Variants in MEIKIN observed in about 807,000 individuals in gnomAD.
MEIKIN encodes meiotic kinetochore factor.
intron 9 of MEIKIN, among the ~76,000 whole-genome samples, chr5:131,859,884 G>A (rs1750253221): frequency 6.6e-6 from 1 of 151,876 alleles, no homozygotes; most frequent in South Asian, 2.1e-4. Context: ...TTCATTCCTG[G>A]GTTCTCTATT....
intron 8 of MEIKIN, among the ~76,000 whole-genome samples, chr5:131,891,283 T>C (rs1750912234): frequency 1.3e-5 from 2 of 152,210 alleles, no homozygotes; most frequent in South Asian, 2.1e-4. Flanking sequence ...GTTAACTTTC[T>C]GTCTTGTTGA....
chr5:131,938,387 C>T (rs116710925), intron 4 of MEIKIN, among the ~76,000 whole-genome samples: 2 of 151,964 alleles, frequency 1.3e-5, no homozygotes, highest in Admixed American at 6.6e-5. Context: ...AGGCTGGTCT[C>T]GATCTCCTAG....
chr5:131,842,901 C>T (rs1288065988), intron 11 of MEIKIN, among the ~76,000 whole-genome samples: 1 of 152,206 alleles, frequency 6.6e-6, no homozygotes, highest in Non-Finnish European at 1.5e-5. Flanking sequence ...AGAGGTTTTC[C>T]ATGAGGGCTC....
At chr5:131,931,334 T>A (rs547417964) in intron 5 of MEIKIN, among the ~76,000 whole-genome samples, 114 of 152,172 alleles carry the variant, frequency 7.5e-4, no homozygotes, top group Non-Finnish European at 1.4e-3. Flanking sequence ...GGAATCTTTT[T>A]TTTTCCCCCA....
intron 8 of MEIKIN, among the ~76,000 whole-genome samples, chr5:131,899,542 T>TAAAAAAAAAAA (rs398065218): frequency 1.6e-5 from 2 of 125,430 alleles, no homozygotes; most frequent in African/African-American, 2.9e-5. Flanking sequence ...TGAATGGATT[T>TAAAAAAAAAAA]AAAAAAAAAA....
At chr5:131,811,840 C>T (rs1008159079) in intron 12 of MEIKIN, among the ~76,000 whole-genome samples, 6 of 152,274 alleles carry the variant, frequency 3.9e-5, no homozygotes, top group Admixed American at 6.5e-5. Context: ...TCTCCTGACC[C>T]GCCTGGGCCT....
intron 8 of MEIKIN, among the ~76,000 whole-genome samples, chr5:131,894,534 T>C (rs563660899): frequency 1.2e-4 from 18 of 152,368 alleles, no homozygotes; most frequent in Admixed American, 2.0e-4. Flanking sequence ...TCCATGTGCA[T>C]GGAATGTTCT....
At chr5:131,863,557 C>CTTTTTTT (rs59435888) in intron 9 of MEIKIN, among the ~76,000 whole-genome samples, 34 of 68,428 alleles carry the variant, frequency 5.0e-4, no homozygotes, top group East Asian at 2.0e-3. Flanking sequence ...CTTCTTTGTC[C>CTTTTTTT]TTTTTTTTTT....
At chr5:131,910,001 A>T (rs1165111005) in intron 8 of MEIKIN, among the ~76,000 whole-genome samples, 1 of 152,154 alleles carries the variant, frequency 6.6e-6, no homozygotes, top group African/African-American at 2.4e-5. Context: ...ACTAAGGAGA[A>T]CTGTTTGGAG....
chr5:131,907,824 A>G (rs1481223130), intron 8 of MEIKIN, among the ~76,000 whole-genome samples: 1 of 152,096 alleles, frequency 6.6e-6, no homozygotes, highest in Non-Finnish European at 1.5e-5. Flanking sequence ...GTGAGCTGAG[A>G]TTGTGCCACT....
chr5:131,939,371 CT>C (rs544899220), intron 4 of MEIKIN, among the ~76,000 whole-genome samples: 353 of 142,912 alleles, frequency 2.5e-3, no homozygotes, highest in Middle Eastern at 3.6e-3. Context: ...TAGTTTTCAG[CT>C]TTTTTTTTTT....
chr5:131,933,089 A>T (rs2149652543), intron 5 of MEIKIN, among the ~76,000 whole-genome samples: 1 of 152,360 alleles, frequency 6.6e-6, no homozygotes, highest in Admixed American at 6.5e-5. Context: ...ACCAAAGGTT[A>T]TATTTATATG....
chr5:131,825,847 A>G (rs1749600361), intron 11 of MEIKIN, among the ~76,000 whole-genome samples: 1 of 152,184 alleles, frequency 6.6e-6, no homozygotes, highest in Non-Finnish European at 1.5e-5. Flanking sequence ...GCATACATAC[A>G]AGGCAATGAC....
chr5:131,921,485 C>A (rs1650277218), intron 6 of MEIKIN, among the ~76,000 whole-genome samples: 1 of 152,088 alleles, frequency 6.6e-6, no homozygotes, highest in African/African-American at 2.4e-5. Flanking sequence ...TAGTGAAACC[C>A]CATCTCTATA....
At chr5:131,912,760 C>T (rs1293130401) in intron 7 of MEIKIN, among the ~76,000 whole-genome samples, 1 of 152,158 alleles carries the variant, frequency 6.6e-6, no homozygotes, top group East Asian at 1.9e-4. Context: ...TAATAAGTAG[C>T]TATTTTTAGG....
At chr5:131,922,440 T>C (rs2149648077) in intron 5 of MEIKIN, among the ~76,000 whole-genome samples, 1 of 152,278 alleles carries the variant, frequency 6.6e-6, no homozygotes, top group Middle Eastern at 3.4e-3. Context: ...ACATAGCATT[T>C]ACATTGCATT....
intron 8 of MEIKIN, 53 bp from the exon 9 acceptor site, chr5:131,879,101 A>AT: frequency 2.5e-6 from 1 of 397,988 alleles, no homozygotes; most frequent in Non-Finnish European, 4.4e-6. Context: ...GTCATTAACT[A>AT]TGAGTCCAAA....
intron 4 of MEIKIN, among the ~76,000 whole-genome samples, chr5:131,935,886 T>C (rs1751768051): frequency 7.0e-6 from 1 of 143,512 alleles, no homozygotes; most frequent in Non-Finnish European, 1.5e-5. Flanking sequence ...TATCCTCAAC[T>C]GTCAGAGTAG....
At chr5:131,896,096 C>A (rs1409783653) in intron 8 of MEIKIN, among the ~76,000 whole-genome samples, 2 of 152,162 alleles carry the variant, frequency 1.3e-5, no homozygotes, top group East Asian at 1.9e-4. Context: ...TCTTTGTTCT[C>A]ATTAGTTTCA....
Sources: gnomAD v4.1 joint callset for allele counts (sites outside exome capture counted in the v4.1 genomes callset) on GRCh38, gnomAD v4.1.1 for gene constraint, MANE v1.5 for transcripts, NCBI Gene and HGNC (gene_info 2026-07-23, HGNC 2026-07-21) for gene names.